Variants in MAP2 observed in about 807,000 individuals in gnomAD.
MAP2 encodes microtubule-associated protein 2.
In MAP2, 14 loss-of-function variants were observed where a neutral mutation model predicts 137.6. That is an observed-to-expected ratio of 0.10 (90% CI 0.07 to 0.16). The LOEUF is 0.16. Among genes scored for constraint, MAP2 ranks in the 10% least tolerant of loss-of-function variants. The pLI is 1.00. For missense variants in MAP2, 2,088 were observed against 2,191.5 expected (o/e 0.95, Z 0.94); for synonymous variants, 786 against 782.3 (o/e 1.00, Z -0.08).
At chr2:209,668,532 A>G (rs183408351) in intron 5 of MAP2, among the ~76,000 whole-genome samples, 1 of 152,166 alleles carries the variant, frequency 6.6e-6, no homozygotes, top group African/African-American at 2.4e-5. Flanking sequence ...TCTAAAAGAA[A>G]TCGTCTTTAT....
At chr2:209,570,670 AGAAAG>A (rs2074249911) in intron 2 of MAP2, among the ~76,000 whole-genome samples, 1 of 151,878 alleles carries the variant, frequency 6.6e-6, no homozygotes, top group South Asian at 2.1e-4. Flanking sequence ...GGCGATTCTG[AGAAAG>A]GAAAGAGCTT....
chr2:209,435,567 G>A (rs1230722256), intron 1 of MAP2, among the ~76,000 whole-genome samples: 1 of 151,672 alleles, frequency 6.6e-6, no homozygotes. Flanking sequence ...AAGAGATTTG[G>A]TTTCATTGTA....
intron 2 of MAP2, among the ~76,000 whole-genome samples, chr2:209,572,803 T>C (rs2074616098): frequency 6.6e-6 from 1 of 152,232 alleles, no homozygotes; most frequent in Admixed American, 6.5e-5. Flanking sequence ...GTATAGTTAA[T>C]ACTTTTTATA....
In MAP2 at chr2:209,696,067, T is replaced by C; in HGVS notation, c.3897T>C (p.Thr1299=). 6.2e-7 allele frequency: 1 copy of C among 1,614,042 alleles called. No individual in the cohort carries two copies. Among genetic ancestry groups the C allele is most frequent in the Non-Finnish European group, 8.5e-7 (1 of 1,179,986 alleles). The part of the protein sequence containing the change: ...DDFITVVQTT[T]DEGESGSHSV... Reference sequence around the variant, plus strand: ...TCATCACTGTAGTGCAAACCACAACTGATGAAGGGGAGTCAGGGTCCCACA... The same window carrying C: ...TCATCACTGTAGTGCAAACCACAACCGATGAAGGGGAGTCAGGGTCCCACA... Residue 1299 remains threonine, a synonymous_variant, in exon 8 of 16, where the codon ACT becomes ACC. Transcript: ENST00000682079.
At chr2:209,606,430 G>C (rs559933452) in intron 3 of MAP2, among the ~76,000 whole-genome samples, 12 of 152,252 alleles carry the variant, frequency 7.9e-5, no homozygotes, top group African/African-American at 2.9e-4. Flanking sequence ...GGGTAGCTGA[G>C]GTGGGAAGAT....
chr2:209,441,257 C>T (rs1232886516), intron 1 of MAP2, among the ~76,000 whole-genome samples: 1 of 151,454 alleles, frequency 6.6e-6, no homozygotes, highest in Non-Finnish European at 1.5e-5. Context: ...AAATAATTTG[C>T]AATAGAAAGG....
chr2:209,696,847 T>C, intron 9 of MAP2, 70 bp from the exon 10 acceptor site: 5 of 1,547,018 alleles, frequency 3.2e-6, no homozygotes, highest in Non-Finnish European at 4.4e-6. Context: ...ATTTATAAAA[T>C]TTCGTTCGGT....
chr2:209,434,939 ATATG>A (rs1350907791), intron 1 of MAP2, among the ~76,000 whole-genome samples: 1 of 144,084 alleles, frequency 6.9e-6, no homozygotes, highest in African/African-American at 2.6e-5. Flanking sequence ...TATGTTATAT[ATATG>A]TGTTTTATAT....
intron 2 of MAP2, among the ~76,000 whole-genome samples, chr2:209,510,407 A>G (rs1049660359): frequency 3.3e-5 from 5 of 152,054 alleles, no homozygotes; most frequent in African/African-American, 1.2e-4. Context: ...GCCCTGCAAT[A>G]AATATGCTTC....
intron 11 of MAP2, among the ~76,000 whole-genome samples, chr2:209,700,781 A>G (rs2061552580): frequency 6.6e-6 from 1 of 152,168 alleles, no homozygotes; most frequent in Admixed American, 6.6e-5. Flanking sequence ...TCCTCTTATC[A>G]TAAAGATAAA....
intron 5 of MAP2, among the ~76,000 whole-genome samples, chr2:209,658,947 G>A (rs144715896): frequency 1.8e-3 from 269 of 152,284 alleles, no homozygotes; most frequent in African/African-American, 6.2e-3. Context: ...ATAAAGCACC[G>A]TCATATCTTT....
intron 2 of MAP2, among the ~76,000 whole-genome samples, chr2:209,539,157 C>T (rs2066471401): frequency 6.6e-6 from 1 of 152,046 alleles, no homozygotes; most frequent in Non-Finnish European, 1.5e-5. Context: ...TGCAATTGTC[C>T]AGAATCATTA....
intron 1 of MAP2, among the ~76,000 whole-genome samples, chr2:209,442,505 A>C (rs1234765777): frequency 1.3e-5 from 2 of 151,704 alleles, no homozygotes; most frequent in Non-Finnish European, 3.0e-5. Context: ...TTATCAGCTT[A>C]AATTTTGGCA....
chr2:209,700,911 G>A (rs970879781), intron 11 of MAP2, among the ~76,000 whole-genome samples: 4 of 152,062 alleles, frequency 2.6e-5, no homozygotes, highest in East Asian at 1.9e-4. Context: ...CTTCCATGTC[G>A]TTGAACATTT....
At chr2:209,622,153 T>C (rs1451011522) in intron 3 of MAP2, among the ~76,000 whole-genome samples, 1 of 152,216 alleles carries the variant, frequency 6.6e-6, no homozygotes, top group Non-Finnish European at 1.5e-5. Flanking sequence ...GTAGAAATAA[T>C]GGAATGATAT....
chr2:209,669,545 T>C (rs754603385), intron 5 of MAP2, among the ~76,000 whole-genome samples: 13 of 152,104 alleles, frequency 8.5e-5, no homozygotes, highest in African/African-American at 3.1e-4. Flanking sequence ...GAGAACTTAA[T>C]TTCAAAAGTT....
rs1359499370 is a variant in MAP2 at position 209,483,237 on chromosome 2, A to G, written c.-221-24355A>G. 4.6e-5 allele frequency among the ~76,000 whole-genome samples: 7 copies of G among 152,308 alleles called. No individual in the cohort carries two copies. The East Asian group carries it at 1.3e-3, about 29-fold the overall frequency. On this transcript the variant is annotated intron_variant, in intron 1 of 15. Transcript: ENST00000682079. ...CTGTAATACATGTTGATCAAAGACA[A>G]TTTGTGAATACAGAAAAATGAAATG... is the stretch of plus-strand genomic sequence containing the variant.
chr2:209,502,716 T>C (rs897277760), intron 1 of MAP2, among the ~76,000 whole-genome samples: 13 of 152,206 alleles, frequency 8.5e-5, no homozygotes, highest in Admixed American at 1.3e-4. Flanking sequence ...CAGTATACAG[T>C]GTTCCCTTTC....
intron 1 of MAP2, among the ~76,000 whole-genome samples, chr2:209,458,816 G>T (rs1702118660): frequency 2.0e-5 from 3 of 152,206 alleles, no homozygotes. Flanking sequence ...AAGGATACTG[G>T]TTAAGAGCAT....
Sources: allele counts gnomAD v4.1 joint callset (sites outside exome capture counted in the v4.1 genomes callset), GRCh38; gene constraint gnomAD v4.1.1; transcripts MANE v1.5; gene names NCBI Gene and HGNC (gene_info 2026-07-23, HGNC 2026-07-21).